KCNJ3: variants seen among roughly 807,000 people sequenced by gnomAD.
KCNJ3 encodes G protein-activated inward rectifier potassium channel 1.
A neutral mutation model predicts 39.2 loss-of-function variants in KCNJ3; 4 were observed. The ratio of observed to expected loss-of-function variants is 0.10; its 90% CI spans 0.05 to 0.23. The LOEUF (loss-of-function observed/expected upper bound fraction) is 0.23, where lower values mean the gene tolerates loss of function less well. Among genes scored for constraint, KCNJ3 ranks in the 10% least tolerant of loss-of-function variants. The pLI, the probability that KCNJ3 is intolerant of heterozygous loss-of-function variation, is 1.00. For missense variants in KCNJ3, 276 were observed against 634.9 expected, an observed-to-expected ratio of 0.43 and a Z score of 6.08; for synonymous variants, 230 against 237.4, an observed-to-expected ratio of 0.97 and a Z score of 0.29.
At chr2:154,728,631 T>C (rs1346151563) in intron 2 of KCNJ3, among the ~76,000 whole-genome samples, 1 of 152,182 alleles carries the variant, frequency 6.6e-6, no homozygotes, top group African/African-American at 2.4e-5. Context: ...GAATGTAGCA[T>C]GTGATATTTA....
At chr2:154,748,381 C>T (rs1396249827) in intron 2 of KCNJ3, among the ~76,000 whole-genome samples, 2 of 151,936 alleles carry the variant, frequency 1.3e-5, no homozygotes, top group African/African-American at 4.8e-5. Flanking sequence ...ATTGAAGGTA[C>T]GATAGTGCTC....
At chr2:154,721,519 T>C (rs1382813042) in intron 2 of KCNJ3, among the ~76,000 whole-genome samples, 15 of 152,182 alleles carry the variant, frequency 9.9e-5, no homozygotes, top group Admixed American at 2.0e-4. Flanking sequence ...TAATCATATC[T>C]GCTTGATATG....
intron 2 of KCNJ3, among the ~76,000 whole-genome samples, chr2:154,715,229 G>C (rs1346688194): frequency 1.3e-5 from 2 of 152,164 alleles, no homozygotes; most frequent in Non-Finnish European, 2.9e-5. Flanking sequence ...ATCTCTGTTT[G>C]CATACAGATA....
intron 2 of KCNJ3, among the ~76,000 whole-genome samples, chr2:154,716,539 A>G (rs1685184609): frequency 6.6e-6 from 1 of 151,414 alleles, no homozygotes. Flanking sequence ...TTTGCTTGCA[A>G]CTCTTTTTAT....
intron 2 of KCNJ3, among the ~76,000 whole-genome samples, chr2:154,752,000 T>C (rs1574447850): frequency 6.6e-6 from 1 of 152,032 alleles, no homozygotes; most frequent in East Asian, 1.9e-4. Context: ...GGTTAGAGTT[T>C]TAACACATGA....
At chr2:154,789,241 G>A (rs1029080898) in intron 2 of KCNJ3, among the ~76,000 whole-genome samples, 2 of 151,270 alleles carry the variant, frequency 1.3e-5, no homozygotes, top group African/African-American at 2.4e-5. Flanking sequence ...AGGCCTAATA[G>A]TAATCAGTAA....
intron 2 of KCNJ3, among the ~76,000 whole-genome samples, chr2:154,719,526 G>A (rs1685232361): frequency 6.6e-6 from 1 of 152,084 alleles, no homozygotes; most frequent in African/African-American, 2.4e-5. Context: ...GTGGAACATT[G>A]TGTGAAGATG....
In KCNJ3 at chr2:154,842,280, T is replaced by TTTGA. The variant is rs528978259; in HGVS notation, c.920-12443_920-12440dup. ...ATGAGTTCTTAATCCTGAGTTCTAA[T>TTTGA]TTGATTGCACTGTGGTCTGAGAGAC... On this transcript the variant is annotated intron_variant, in intron 2 of 2. Coordinates refer to ENST00000295101, the MANE Select transcript of KCNJ3 (RefSeq NM_002239.4). 7.9e-5 allele frequency among the ~76,000 whole-genome samples: 12 copies of TTTGA among 152,350 alleles called. No individual in the cohort carries two copies. In the East Asian group the frequency reaches 1.9e-3, roughly 24 times the overall value.
intron 2 of KCNJ3, among the ~76,000 whole-genome samples, chr2:154,749,532 C>A (rs1422308682): frequency 6.6e-6 from 1 of 151,980 alleles, no homozygotes; most frequent in East Asian, 1.9e-4. Flanking sequence ...AAATTTTGAA[C>A]TCTGTGAATA....
chr2:154,822,477 A>C (rs568790796), intron 2 of KCNJ3, among the ~76,000 whole-genome samples: 1 of 152,290 alleles, frequency 6.6e-6, no homozygotes, highest in South Asian at 2.1e-4. Context: ...ATAAAAATCT[A>C]TCCATTCATT....
intron 2 of KCNJ3, among the ~76,000 whole-genome samples, chr2:154,734,400 A>C (rs1279135281): frequency 6.6e-6 from 1 of 152,194 alleles, no homozygotes; most frequent in Non-Finnish European, 1.5e-5. Context: ...AGAATCTGAG[A>C]AAGAAGTCAT....
intron 2 of KCNJ3, among the ~76,000 whole-genome samples, chr2:154,808,082 ATTT>A (rs34093983): frequency 1.4e-5 from 2 of 142,242 alleles, no homozygotes; most frequent in African/African-American, 2.6e-5. Context: ...GGGCATTTAA[ATTT>A]TTTTTTTTTT....
chr2:154,837,307 G>A (rs1273305932), intron 2 of KCNJ3, among the ~76,000 whole-genome samples: 1 of 152,072 alleles, frequency 6.6e-6, no homozygotes, highest in Non-Finnish European at 1.5e-5. Context: ...TATAATTTAT[G>A]TTGACATTCT....
intron 2 of KCNJ3, among the ~76,000 whole-genome samples, chr2:154,742,518 C>T (rs572053178): frequency 5.3e-5 from 8 of 151,960 alleles, no homozygotes; most frequent in African/African-American, 1.7e-4. Context: ...TAAAATTCCT[C>T]TACGTGTTCA....
intron 2 of KCNJ3, among the ~76,000 whole-genome samples, chr2:154,781,688 G>C (rs866835724): frequency 2.0e-5 from 3 of 152,046 alleles, no homozygotes; most frequent in African/African-American, 7.2e-5. Context: ...GTTAAAAATA[G>C]ATCTTAAATT....
intron 2 of KCNJ3, among the ~76,000 whole-genome samples, chr2:154,755,807 G>A (rs1005696820): frequency 1.3e-5 from 2 of 152,006 alleles, no homozygotes; most frequent in Non-Finnish European, 2.9e-5. Context: ...CTAAAGACTA[G>A]TGTGATAGGG....
chr2:154,715,145 T>C (rs1026645458), intron 2 of KCNJ3, among the ~76,000 whole-genome samples: 13 of 152,336 alleles, frequency 8.5e-5, no homozygotes, highest in Non-Finnish European at 1.8e-4. Flanking sequence ...AATTCAACTA[T>C]TCCTTTTTAA....
At chr2:154,853,842 C>T (rs1290710910) in intron 2 of KCNJ3, among the ~76,000 whole-genome samples, 1 of 152,092 alleles carries the variant, frequency 6.6e-6, no homozygotes, top group Non-Finnish European at 1.5e-5. Flanking sequence ...ATCCAAGGAA[C>T]ATAATTGATA....
chr2:154,766,091 A>G (rs1034819980), intron 2 of KCNJ3, among the ~76,000 whole-genome samples: 3 of 152,238 alleles, frequency 2.0e-5, no homozygotes, highest in Admixed American at 6.5e-5. Context: ...TGCTAAGGAC[A>G]TAAATAATTA....
Sources: allele counts gnomAD v4.1 joint callset (sites outside exome capture counted in the v4.1 genomes callset), GRCh38; gene constraint gnomAD v4.1.1; transcripts MANE v1.5; gene names NCBI Gene and HGNC (gene_info 2026-07-23, HGNC 2026-07-21).